Variants in ACP6 observed in about 807,000 individuals in gnomAD.
ACP6 encodes the protein acid phosphatase 6, lysophosphatidic, also known as lysophosphatidic acid phosphatase type 6.
A neutral mutation model predicts 48.1 loss-of-function variants in ACP6; 48 were observed. The ratio of observed to expected loss-of-function variants is 1.00; its 90% CI spans 0.79 to 1.27. ACP6 has a LOEUF of 1.27. Among genes scored for constraint, ACP6 ranks in the 50% most tolerant of loss-of-function variants. The probability of loss-of-function intolerance (pLI) is 0.00; values close to 1 mark genes in which losing one functional copy is unlikely to be tolerated. For synonymous variants in ACP6, 172 were observed against 204.2 expected, an observed-to-expected ratio of 0.84 and a Z score of 1.34; for missense variants, 485 against 529.1, an observed-to-expected ratio of 0.92 and a Z score of 0.82.
intron 1 of ACP6, among the ~76,000 whole-genome samples, chr1:147,668,555 T>G (rs1212056943): frequency 2.0e-5 from 3 of 151,848 alleles, no homozygotes; most frequent in African/African-American, 7.3e-5. Context: ...AGTCCTTCTG[T>G]ACCAAGAATA....
At chr1:147,657,698 C>T (rs782612841) in intron 4 of ACP6, among the ~76,000 whole-genome samples, 8 of 152,136 alleles carry the variant, frequency 5.3e-5, no homozygotes, top group Admixed American at 4.6e-4. Context: ...GGATTACAAG[C>T]GTGAACTACT....
chr1:147,648,106 T>G lies in ACP6; in HGVS notation c.1143+140A>C. On this transcript the variant is annotated intron_variant, in intron 9 of 9. Coordinates refer to ENST00000583509, the MANE Select transcript of ACP6 (RefSeq NM_016361.5). ...TGACCCCTGGGCCATAGCCAGGAGT[T>G]GCCCTATAGGATTCAGAGAGCTGAC... 4 of 941,180 alleles carry G rather than the reference T, an allele frequency of 4.2e-6. No homozygotes were observed. In the East Asian group the frequency reaches 1.0e-4, roughly 24 times the overall value. 58.3% of individuals were successfully genotyped at this position (941,180 alleles called of 1,614,324 possible).
chr1:147,659,196 CT>C, intron 3 of ACP6, 157 bp from the exon 4 acceptor site: 1 of 1,046,970 alleles, frequency 9.6e-7, no homozygotes, highest in Non-Finnish European at 1.4e-6. Context: ...ATGTCAGCCC[CT>C]GAGAGACTCG....
intron 7 of ACP6, 167 bp from the exon 8 acceptor site, chr1:147,650,405 G>A (rs1021354513): frequency 3.0e-5 from 16 of 530,378 alleles, no homozygotes; most frequent in South Asian, 5.5e-5. Flanking sequence ...CACCGAGTCC[G>A]GTCTTGGGGT....
Position 147,647,583 on chromosome 1 carries a change from A to T in ACP6, c.1144-17T>A. The T allele has an allele frequency of 1.9e-6, 3 of 1,609,422 alleles. No homozygotes were observed. The highest frequency in any genetic ancestry group is 2.5e-6 in the Non-Finnish European group (3 of 1,179,520). On this transcript the variant is annotated splice_polypyrimidine_tract_variant and intron_variant, in intron 9 of 9. Transcript: ENST00000583509. ...CACCTGCTCCTGCAGAAGAAACATA[A>T]CTCAGCAGGTCCGCCGAGGAACCTG...
Position 147,669,868 on chromosome 1 carries a change from C to G in ACP6, c.181G>C (p.Ala61Pro). The G allele has an allele frequency of 6.2e-7, 1 of 1,600,108 alleles. No homozygotes were observed. The highest frequency in any genetic ancestry group is 1.1e-5 in the South Asian group (1 of 89,520). ...GGGAGCGGCTTGAGAGGACTCCGAG[C>G]CCCGTGTCGAAACACGACCTGCACC... ...KMVQVVFRHG[A>P]RSPLKPLPLE... Residue 61 changes from alanine to proline, a missense_variant, in exon 1 of 10, where the codon GCT becomes CCT. Transcript: ENST00000583509.
In ACP6 at chr1:147,642,396, C is replaced by T. The variant is rs1350525250; in HGVS notation, c.*5027G>A. 6.6e-6 allele frequency: 1 copy of T among 152,084 alleles called. No individual in the cohort carries two copies. The highest frequency in any genetic ancestry group is 6.5e-5 in the Admixed American group (1 of 15,270). 9.4% of individuals were successfully genotyped at this position (152,084 alleles called of 1,614,324 possible). On this transcript the variant is annotated 3_prime_UTR_variant, in exon 10 of 10. Coordinates refer to ENST00000583509, the MANE Select transcript of ACP6 (RefSeq NM_016361.5). ...GAGGCCTAGAGATAATTGGATTACA[C>T]AGGAAAAGGGAGTGTGGGTCAGGGG...
chr1:147,669,884 G>T lies in ACP6; in HGVS notation c.165C>A (p.Val55=), dbSNP rs1661002548. The change falls in exon 1 of 10, where the codon GTC becomes GTA. Residue 55 remains valine, a synonymous_variant. Coordinates refer to ENST00000583509, the MANE Select transcript of ACP6 (RefSeq NM_016361.5). ...RSLLKLKMVQ[V]VFRHGARSPL... is the part of the protein sequence containing the mutation. ...GACTCCGAGCCCCGTGTCGAAACAC[G>T]ACCTGCACCATTTTCAACTTCAGCA... 6.2e-7 allele frequency: 1 copy of T among 1,602,558 alleles called. No individual in the cohort carries two copies.
chr1:147,648,926 CT>C (rs1301151473), intron 8 of ACP6, among the ~76,000 whole-genome samples: 6 of 152,160 alleles, frequency 3.9e-5, no homozygotes, highest in Non-Finnish European at 8.8e-5. Context: ...CTACATCTGC[CT>C]GACACCAGTA....
intron 4 of ACP6, among the ~76,000 whole-genome samples, chr1:147,657,879 C>T (rs1009906473): frequency 1.3e-5 from 2 of 152,240 alleles, no homozygotes; most frequent in Admixed American, 1.3e-4. Flanking sequence ...TGATGGAAAC[C>T]TGGGATATTC....
At chr1:147,656,710 A>G (rs587623216) in intron 4 of ACP6, among the ~76,000 whole-genome samples, 3 of 152,358 alleles carry the variant, frequency 2.0e-5, no homozygotes, top group Admixed American at 6.5e-5. Context: ...TTATAGGGTT[A>G]CTACAAGAAT....
intron 8 of ACP6, 192 bp downstream of exon 8, chr1:147,649,951 C>A: frequency 3.8e-6 from 2 of 523,892 alleles, no homozygotes; most frequent in Non-Finnish European, 3.3e-6. Flanking sequence ...ATTTTCAAAA[C>A]ATGGTAGGAG....
At chr1:147,654,145 G>C in intron 6 of ACP6, 49 bp downstream of exon 6, 1 of 1,599,298 alleles carries the variant, frequency 6.3e-7, no homozygotes, top group African/African-American at 1.3e-5. Context: ...TAACTCCGGA[G>C]CCAGCCCACC....
intron 4 of ACP6, among the ~76,000 whole-genome samples, chr1:147,657,572 C>G (rs1214509296): frequency 6.6e-6 from 1 of 152,184 alleles, no homozygotes; most frequent in Non-Finnish European, 1.5e-5. Flanking sequence ...AGGCGCCCAC[C>G]ACCACGCCTG....
downstream of ACP6, among the ~76,000 whole-genome samples, chr1:147,638,934 A>G (rs587632305): frequency 2.0e-5 from 3 of 152,262 alleles, no homozygotes; most frequent in African/African-American, 7.2e-5. Context: ...ACGGGCCACC[A>G]CAGCCTTGAC....
chr1:147,668,525 A>G (rs1176782193), intron 1 of ACP6, among the ~76,000 whole-genome samples: 1 of 152,146 alleles, frequency 6.6e-6, no homozygotes, highest in Non-Finnish European at 1.5e-5. Context: ...TATAATATAT[A>G]TTCCTACATG....
chr1:147,666,684 G>A (rs1478236948), intron 1 of ACP6, among the ~76,000 whole-genome samples: 1 of 152,112 alleles, frequency 6.6e-6, no homozygotes, highest in African/African-American at 2.4e-5. Flanking sequence ...ACATTATCTG[G>A]ATACCCCGGA....
At chr1:147,652,330 C>G in intron 7 of ACP6, 119 bp downstream of exon 7, 1 of 1,027,946 alleles carries the variant, frequency 9.7e-7, no homozygotes, top group Non-Finnish European at 1.4e-6. Context: ...TGGGGTTCAG[C>G]CTCCTTACAC....
intron 5 of ACP6, among the ~76,000 whole-genome samples, chr1:147,634,830 A>C (rs1206480097): frequency 6.6e-6 from 1 of 152,198 alleles, no homozygotes; most frequent in African/African-American, 2.4e-5. Context: ...CAAACACTGA[A>C]TAAGCAATTA....
Sources: gnomAD v4.1 joint callset for allele counts (sites outside exome capture counted in the v4.1 genomes callset) on GRCh38, gnomAD v4.1.1 for gene constraint, MANE v1.5 for transcripts, NCBI Gene and HGNC (gene_info 2026-07-23, HGNC 2026-07-21) for gene names.